The following KIZ variants were observed in gnomAD, a reference collection of about 807,000 sequenced individuals.
The protein encoded by KIZ is centrosomal protein kizuna.
KIZ carries 68 observed loss-of-function variants against 79.6 expected under a neutral mutation model. That is an observed-to-expected ratio of 0.85 (90% CI 0.70 to 1.05). The LOEUF (loss-of-function observed/expected upper bound fraction) is 1.05, where lower values mean the gene tolerates loss of function less well. Among genes scored for constraint, KIZ ranks in the 50% least tolerant of loss-of-function variants. The pLI is 0.00. For missense variants in KIZ, 797 were observed against 800.4 expected, an observed-to-expected ratio of 1.00 and a Z score of 0.05; for synonymous variants, 280 against 281.8, an observed-to-expected ratio of 0.99 and a Z score of 0.06.
rs879523075 is a variant in KIZ at position 21,219,313 on chromosome 20, CT to C, written c.1678+3676del. Among the ~76,000 whole-genome samples the C allele has an allele frequency of 9.7e-3, 1,431 of 147,934 alleles. 29 individuals carry two copies. The highest frequency in any genetic ancestry group is 0.033 in the African/African-American group (1,340 of 40,470). On this transcript the variant is annotated intron_variant, in intron 9 of 12. Coordinates refer to ENST00000619189, the MANE Select transcript of KIZ (RefSeq NM_018474.6). The stretch of plus-strand genomic sequence containing the variant: ...GCTTGAACCATGGCAGGAACCATGA[CT>C]TTTTTTTTTTCTTTTGAAACAGGGT...
At chr20:21,197,573 C>T (rs2035394809) in intron 6 of KIZ, 1 of 152,092 alleles carries the variant, frequency 6.6e-6, no homozygotes, top group Admixed American at 6.6e-5. Context: ...ACGAGATTGC[C>T]CAGCTGTGGA....
At chr20:21,234,446 G>A (rs1214221870) in intron 11 of KIZ, among the ~76,000 whole-genome samples, 10 of 151,846 alleles carry the variant, frequency 6.6e-5, no homozygotes, top group Non-Finnish European at 8.8e-5. Context: ...TCCAGAGTGC[G>A]TGGGTTTGGC....
chr20:21,184,910 G>T (rs749505729), intron 6 of KIZ, among the ~76,000 whole-genome samples: 5 of 152,172 alleles, frequency 3.3e-5, no homozygotes, highest in South Asian at 2.1e-4. Flanking sequence ...AGGCATGATG[G>T]TACACACCTG....
intron 6 of KIZ, chr20:21,194,855 G>A (rs1373714412): frequency 6.6e-6 from 1 of 152,026 alleles, no homozygotes; most frequent in Non-Finnish European, 1.5e-5. Context: ...ATACTGTAAA[G>A]ATAAGTGTGT....
intron 2 of KIZ, among the ~76,000 whole-genome samples, chr20:21,134,668 T>G (rs1302375204): frequency 1.3e-5 from 2 of 151,322 alleles, no homozygotes; most frequent in South Asian, 2.1e-4. Context: ...AGGTTTTTTT[T>G]TTTTTTTTTT....
At position 21,136,552 on chromosome 20, in the gene KIZ, G is replaced by A. The variant is rs1177649882; in HGVS notation, c.315G>A (p.Lys105=). 2 of 1,536,728 alleles carry A rather than the reference G, an allele frequency of 1.3e-6. No homozygotes were observed. The highest frequency in any genetic ancestry group is 2.3e-5 in the Admixed American group (1 of 44,418). ...ATACAGAGAAGCTTCAAAAACTGAAGGTGACTTCCTGTTTTTTACTGTGTT... is the reference window on the plus strand; with the variant it reads ...ATACAGAGAAGCTTCAAAAACTGAAAGTGACTTCCTGTTTTTTACTGTGTT... ...TTNTEKLQKL[K]LEYETQIKKM... is the part of the protein sequence containing the mutation. The change falls in exon 3 of 13, where the codon AAG becomes AAA. Residue 105 remains lysine, a splice_region_variant and synonymous_variant. Transcript: ENST00000619189.
chr20:21,215,481 A>C, intron 8 of KIZ, 102 bp from the exon 9 acceptor site: 1 of 577,580 alleles, frequency 1.7e-6, no homozygotes, highest in Non-Finnish European at 3.0e-6. Context: ...AAATACATTA[A>C]CCAAAAAAAA....
chr20:21,212,355 T>A (rs972863478), intron 7 of KIZ, among the ~76,000 whole-genome samples: 5 of 152,232 alleles, frequency 3.3e-5, no homozygotes, highest in Non-Finnish European at 7.3e-5. Flanking sequence ...TTTTTGATTT[T>A]ACAGTGGTGT....
intron 5 of KIZ, 24 bp from the exon 6 acceptor site, chr20:21,162,826 A>G (rs775557244): frequency 1.3e-6 from 2 of 1,589,098 alleles, no homozygotes; most frequent in East Asian, 4.5e-5. Flanking sequence ...GTGATTGGTA[A>G]TCAGTTCATG....
chr20:21,225,383 A>G (rs1377101222), intron 9 of KIZ, among the ~76,000 whole-genome samples: 1 of 152,170 alleles, frequency 6.6e-6, no homozygotes, highest in African/African-American at 2.4e-5. Context: ...TTCACTACTC[A>G]GTATTTTCTG....
At chr20:21,193,378 G>T (rs189182418) in intron 6 of KIZ, among the ~76,000 whole-genome samples, 1,885 of 152,188 alleles carry the variant, frequency 0.012, 13 homozygotes, top group Middle Eastern at 0.027. Context: ...GGTCATTTTT[G>T]CCAAGAAGTA....
At chr20:21,135,948 CT>C (rs1204760221) in intron 2 of KIZ, among the ~76,000 whole-genome samples, 2 of 151,828 alleles carry the variant, frequency 1.3e-5, no homozygotes, top group Admixed American at 6.6e-5. Context: ...TTTTAAATTT[CT>C]TTTTAATTTC....
chr20:21,160,941 C>T (rs2033624829), intron 4 of KIZ: 1 of 153,606 alleles, frequency 6.5e-6, no homozygotes, highest in South Asian at 2.0e-4. Context: ...ACTTCCCAGC[C>T]TCCAGAACTA....
chr20:21,126,050 C>T (rs1414225320), upstream of KIZ: 1 of 1,411,674 alleles, frequency 7.1e-7, no homozygotes. Context: ...GTGGGGCGGT[C>T]TCCTTCGGCA....
At chr20:21,165,036 C>T (rs1314470266) in intron 6 of KIZ, among the ~76,000 whole-genome samples, 1 of 152,174 alleles carries the variant, frequency 6.6e-6, no homozygotes, top group African/African-American at 2.4e-5. Flanking sequence ...AACTGGCGCT[C>T]TTCTCCTTTG....
chr20:21,159,924 A>G (rs575156451), intron 4 of KIZ, among the ~76,000 whole-genome samples: 3 of 152,306 alleles, frequency 2.0e-5, no homozygotes, highest in African/African-American at 7.2e-5. Flanking sequence ...CTTTTTCAGG[A>G]GCTGCCAAAC....
At chr20:21,241,565 G>C (rs1024265451) in intron 11 of KIZ, among the ~76,000 whole-genome samples, 24 of 152,232 alleles carry the variant, frequency 1.6e-4, no homozygotes, top group African/African-American at 5.8e-4. Context: ...ATTTCACTGG[G>C]ATGTTTACTG....
chr20:21,223,580 T>TA (rs932608828), intron 9 of KIZ, among the ~76,000 whole-genome samples: 5 of 151,056 alleles, frequency 3.3e-5, no homozygotes, highest in East Asian at 1.9e-4. Flanking sequence ...CCTGCCTTTT[T>TA]AAAAAAAAAT....
chr20:21,126,059 C>T (rs2031429991), upstream of KIZ: 1 of 1,400,452 alleles, frequency 7.1e-7, no homozygotes, highest in Non-Finnish European at 9.3e-7. Flanking sequence ...TCTCCTTCGG[C>T]AACCCCGGCC....
Sources: gnomAD v4.1 joint callset for allele counts (sites outside exome capture counted in the v4.1 genomes callset) on GRCh38, gnomAD v4.1.1 for gene constraint, MANE v1.5 for transcripts, NCBI Gene and HGNC (gene_info 2026-07-23, HGNC 2026-07-21) for gene names.